Variants in POU3F3 observed in about 807,000 individuals in gnomAD.
POU3F3 encodes the protein POU domain, class 3, transcription factor 3.
Under a neutral mutation model 8.6 loss-of-function variants are expected in POU3F3, and 1 was observed. The ratio of observed to expected loss-of-function variants is 0.12; its 90% CI spans 0.04 to 0.55. POU3F3 has a LOEUF of 0.55. Ranked by LOEUF, POU3F3 falls within the 20% of genes least tolerant of loss-of-function variation. The pLI is 0.91. For missense variants in POU3F3, 577 were observed against 690.7 expected (o/e 0.84, Z 1.84); for synonymous variants, 418 against 327.4 (o/e 1.28, Z -2.99).
chr2:104,863,490 C>A (rs796803740), downstream of POU3F3, among the ~76,000 whole-genome samples: 1 of 152,066 alleles, frequency 6.6e-6, no homozygotes, highest in African/African-American at 2.4e-5. Flanking sequence ...GGTGCAGCCT[C>A]CTCCCAGGAG....
At chr2:104,875,174 C>T in the POU3F3 span, among the ~76,000 whole-genome samples, 3 of 152,196 alleles carry the variant, frequency 2.0e-5, no homozygotes, top group African/African-American at 2.4e-5. Flanking sequence ...ATTTCCTTCC[C>T]TTTTAGGGCT....
chr2:104,884,974 G>C, the POU3F3 span, among the ~76,000 whole-genome samples: 17 of 152,174 alleles, frequency 1.1e-4, no homozygotes, highest in Non-Finnish European at 2.1e-4. Flanking sequence ...ACTGAGACCT[G>C]TTTGGTGGGA....
At chr2:104,906,934 T>C in the POU3F3 span, among the ~76,000 whole-genome samples, 1 of 152,124 alleles carries the variant, frequency 6.6e-6, no homozygotes, top group East Asian at 1.9e-4. Context: ...GGCCACAGCT[T>C]TCCACCAATA....
the POU3F3 span, among the ~76,000 whole-genome samples, chr2:104,881,121 ACTTTCTTT>A: frequency 2.0e-4 from 28 of 142,174 alleles, no homozygotes; most frequent in East Asian, 1.3e-3. Context: ...TTTATTTCTT[ACTTTCTTT>A]CTTTCTTTCT....
At chr2:104,859,137 T>G (rs1029231108), downstream of POU3F3, among the ~76,000 whole-genome samples, 1 of 13,974 alleles carries the variant, frequency 7.2e-5, no homozygotes, top group African/African-American at 2.1e-3. Context: ...GCTTTTTGGG[T>G]TTTTTCCCCC....
the POU3F3 span, among the ~76,000 whole-genome samples, chr2:104,917,883 G>T: frequency 1.3e-5 from 2 of 152,056 alleles, no homozygotes; most frequent in African/African-American, 4.8e-5. Context: ...TGGGGAATGG[G>T]GCAAGAGAAG....
chr2:104,855,545 G>A lies in POU3F3; in HGVS notation c.35G>A (p.Gly12Glu), dbSNP rs867002795. The A allele has an allele frequency of 2.9e-6, 3 of 1,046,846 alleles. No homozygotes were observed. Among genetic ancestry groups the A allele is most frequent in the Non-Finnish European group, 3.5e-6 (3 of 865,016 alleles). The allele number at this position is 1,046,846 out of a possible 1,614,324, so 64.8% of individuals were successfully genotyped here. The change falls in exon 1 of 1, where the codon GGG (glycine) becomes GAG (glutamate). Residue 12 changes from glycine (G) to glutamate (E), a missense_variant. Gly to Glu is a moderately conservative substitution (Grantham distance 98). This residue lies in a region of POU3F3 where 484 missense variants were observed against 422.6 expected (regional missense o/e 1.15). Coordinates refer to ENST00000361360, the MANE Select transcript of POU3F3 (RefSeq NM_006236.3). ...GCGGCTTCTAACCCCTACCTGCCGG[G>A]GAACAGCCTGCTCGCGGCCGGCTCT... Reference protein sequence around the residue: ...ATAASNPYLPGNSLLAAGSIV... With the variant: ...ATAASNPYLPENSLLAAGSIV...
the POU3F3 span, among the ~76,000 whole-genome samples, chr2:104,892,049 C>T: frequency 2.0e-5 from 3 of 152,314 alleles, no homozygotes; most frequent in East Asian, 1.9e-4. Flanking sequence ...ACCTGGGCTC[C>T]GATCAAACCC....
At chr2:104,860,980 G>T (rs919135378), downstream of POU3F3, among the ~76,000 whole-genome samples, 1 of 151,428 alleles carries the variant, frequency 6.6e-6, no homozygotes, top group Non-Finnish European at 1.5e-5. Flanking sequence ...TAGTTTTATC[G>T]ATAAGTGTAA....
chr2:104,854,293 C>T lies in POU3F3; in HGVS notation c.-1218C>T, dbSNP rs868637487. 6.6e-6 allele frequency among the ~76,000 whole-genome samples: 1 copy of T among 152,174 alleles called. No homozygotes were observed. Among genetic ancestry groups the T allele is most frequent in the South Asian group, 2.1e-4 (1 of 4,816 alleles). On this transcript the variant is annotated 5_prime_UTR_variant, in exon 1 of 1. Transcript: ENST00000361360. The surrounding 1 kb of genome is among the most constrained non-coding windows in gnomAD (Gnocchi z 4.5). ...TGCTGCAACTCTGCTCCAGCACGGC[C>T]AGCGCCAGCGCCCGCCGTCGGTGCA...
the POU3F3 span, among the ~76,000 whole-genome samples, chr2:104,893,094 T>C: frequency 2.7e-4 from 41 of 152,162 alleles, no homozygotes; most frequent in Non-Finnish European, 4.7e-4. Context: ...TAGCAACATA[T>C]AGATATATGT....
chr2:104,901,210 C>G, the POU3F3 span, among the ~76,000 whole-genome samples: 98 of 152,296 alleles, frequency 6.4e-4, 3 homozygotes, highest in East Asian at 0.018. Context: ...CAGGAGCAAG[C>G]CTGCCCACAG....
chr2:104,919,428 A>C, the POU3F3 span, among the ~76,000 whole-genome samples: 1 of 152,308 alleles, frequency 6.6e-6, no homozygotes, highest in East Asian at 1.9e-4. Flanking sequence ...GCGCCACTTC[A>C]GAGGCCCAGG....
At chr2:104,912,441 AC>A in the POU3F3 span, among the ~76,000 whole-genome samples, 1 of 136,272 alleles carries the variant, frequency 7.3e-6, no homozygotes, top group Non-Finnish European at 1.6e-5. Context: ...TTAGAAAATC[AC>A]TATGTGGTGT....
the POU3F3 span, among the ~76,000 whole-genome samples, chr2:104,865,234 G>A: frequency 6.6e-6 from 1 of 152,212 alleles, no homozygotes; most frequent in Non-Finnish European, 1.5e-5. Flanking sequence ...AGTTGATAGA[G>A]GGGTGTTGTT....
the POU3F3 span, among the ~76,000 whole-genome samples, chr2:104,909,634 C>A: frequency 4.6e-5 from 7 of 152,256 alleles, no homozygotes; most frequent in Non-Finnish European, 1.0e-4. Context: ...TGGGCCAGGT[C>A]AGGCTGCTTC....
chr2:104,903,771 A>G, the POU3F3 span, among the ~76,000 whole-genome samples: 9 of 152,294 alleles, frequency 5.9e-5, no homozygotes, highest in Admixed American at 2.6e-4. Context: ...TGTTAGAAAA[A>G]TGTTTGTCTG....
the POU3F3 span, among the ~76,000 whole-genome samples, chr2:104,893,692 C>A: frequency 6.6e-6 from 1 of 151,954 alleles, no homozygotes; most frequent in East Asian, 1.9e-4. Context: ...GACCAGCCTG[C>A]CCAACATGGC....
chr2:104,926,555 C>T, the POU3F3 span, among the ~76,000 whole-genome samples: 1 of 152,162 alleles, frequency 6.6e-6, no homozygotes, highest in Non-Finnish European at 1.5e-5. Context: ...GGCAATTCCT[C>T]AAGGATCTAG....
Sources: allele counts gnomAD v4.1 joint callset (sites outside exome capture counted in the v4.1 genomes callset), GRCh38; gene constraint gnomAD v4.1.1; regional missense constraint gnomAD v4.1.1; non-coding constraint Gnocchi (gnomAD v3.1); transcripts MANE v1.5; gene names NCBI Gene and HGNC (gene_info 2026-07-23, HGNC 2026-07-21).